KCTD8: variants seen among roughly 807,000 people sequenced by gnomAD.
The protein encoded by KCTD8 is potassium channel tetramerization domain containing 8.
A neutral mutation model predicts 31.5 loss-of-function variants in KCTD8; 27 were observed. That is an observed-to-expected ratio of 0.86 (90% CI 0.63 to 1.18). The LOEUF is 1.18. KCTD8 is among the 50% of genes most tolerant of loss of function. The pLI, the probability that KCTD8 is intolerant of heterozygous loss-of-function variation, is 0.00. For synonymous variants in KCTD8, 290 were observed against 280.0 expected, an observed-to-expected ratio of 1.04 and a Z score of -0.36; for missense variants, 658 against 647.7, an observed-to-expected ratio of 1.02 and a Z score of -0.17.
intron 1 of KCTD8, among the ~76,000 whole-genome samples, chr4:44,186,178 G>A (rs775452315): frequency 1.3e-5 from 2 of 152,188 alleles, no homozygotes; most frequent in Non-Finnish European, 2.9e-5. Flanking sequence ...CACAGGTGGC[G>A]AGGAGCGAAA....
intron 1 of KCTD8, among the ~76,000 whole-genome samples, chr4:44,351,842 ATATT>A (rs1316647462): frequency 2.0e-5 from 3 of 152,130 alleles, no homozygotes; most frequent in African/African-American, 7.2e-5. Context: ...TGAACTGAAA[ATATT>A]TATTTATTCT....
Position 44,349,068 on chromosome 4 carries a change from A to ACCG in KCTD8, c.961+98492_961+98494dup, listed in dbSNP as rs1393144810. Reference sequence around the variant, plus strand: ...GCTTAGTAGCACCACCATCGCTGCCACCGCCACCACCACCACCACCACCAC... The same window carrying ACCG: ...GCTTAGTAGCACCACCATCGCTGCCACCGCCGCCACCACCACCACCACCACCAC... On this transcript the variant is annotated intron_variant, in intron 1 of 1. Coordinates refer to ENST00000360029, the MANE Select transcript of KCTD8 (RefSeq NM_198353.3). 7.4e-5 allele frequency among the ~76,000 whole-genome samples: 7 copies of ACCG among 93,976 alleles called. 1 individual carries two copies. The highest frequency in any genetic ancestry group is 2.6e-5 in the Non-Finnish European group (1 of 38,158). The allele number at this position is 93,976 out of a possible 152,430, so 61.7% of individuals were successfully genotyped here. A position where few individuals can be genotyped will look rare whatever the true frequency, so the allele number is the denominator to read the frequency against.
chr4:44,309,678 A>G (rs1032359116), intron 1 of KCTD8, among the ~76,000 whole-genome samples: 9 of 152,164 alleles, frequency 5.9e-5, no homozygotes, highest in African/African-American at 2.2e-4. Flanking sequence ...ACTAAAATTT[A>G]GAATACATTA....
chr4:44,259,502 C>T (rs1028733633), intron 1 of KCTD8, among the ~76,000 whole-genome samples: 2 of 151,902 alleles, frequency 1.3e-5, no homozygotes, highest in African/African-American at 4.8e-5. Flanking sequence ...AGTTCATCCT[C>T]CTACATCCAA....
At chr4:44,246,250 CT>C (rs1237830043) in intron 1 of KCTD8, among the ~76,000 whole-genome samples, 2 of 152,012 alleles carry the variant, frequency 1.3e-5, no homozygotes, top group Non-Finnish European at 1.5e-5. Context: ...TGCCAAATGA[CT>C]ATCTCCTAGT....
rs1577676609 is a variant in KCTD8, at chr4:44,448,032, G to A, written c.492C>T (p.Asp164=). ...NSLNDEGCQS[D]LEDNVSQGSS... is the part of the protein sequence containing the mutation. ...TACCCTGCGAGACGTTGTCCTCCAG[G>A]TCGCTCTGGCAGCCCTCGTCGTTGA... Residue 164 remains aspartate, a synonymous_variant, in exon 1 of 2, where the codon GAC becomes GAT. Transcript: ENST00000360029. This position sits in a 1 kb window ranked among gnomAD's most constrained non-coding sequence, Gnocchi z 4.1. 1 of 1,607,942 alleles carries A rather than the reference G, an allele frequency of 6.2e-7. No homozygotes were observed. Among genetic ancestry groups the A allele is most frequent in the Non-Finnish European group, 8.5e-7 (1 of 1,177,698 alleles).
rs1048996341 is a variant in KCTD8 at position 44,391,605 on chromosome 4, A to G, written c.961+55958T>C. ...GATATAACATATATAATATATATAA[A>G]ATACATATAACATAAAAACTATGTG... is the stretch of plus-strand genomic sequence containing the variant. On this transcript the variant is annotated intron_variant, in intron 1 of 1. Transcript: ENST00000360029. Among the ~76,000 whole-genome samples, 57 of 151,606 alleles carry G rather than the reference A, an allele frequency of 3.8e-4. 1 individual carries two copies. Among genetic ancestry groups the G allele is most frequent in the African/African-American group, 1.2e-3 (51 of 41,436 alleles).
In KCTD8 at chr4:44,402,119, T is replaced by C. The variant is rs184790187; in HGVS notation, c.961+45444A>G. 2.6e-5 allele frequency among the ~76,000 whole-genome samples: 4 copies of C among 152,242 alleles called. No individual in the cohort carries two copies. In the East Asian group the frequency reaches 5.8e-4, roughly 22 times the overall value. On this transcript the variant is annotated intron_variant, in intron 1 of 1. Transcript: ENST00000360029. ...TAAAGTGGACGTGGCATTTGAATGATTATAGAGCAAAAAGATAGAGCTGGA... is the reference window on the plus strand; with the variant it reads ...TAAAGTGGACGTGGCATTTGAATGACTATAGAGCAAAAAGATAGAGCTGGA...
At chr4:44,279,103 T>C (rs1318005415) in intron 1 of KCTD8, among the ~76,000 whole-genome samples, 2 of 152,118 alleles carry the variant, frequency 1.3e-5, no homozygotes, top group South Asian at 4.1e-4. Context: ...TTCATTTTTA[T>C]GTGTAAAATG....
chr4:44,268,209 T>C (rs937921447), intron 1 of KCTD8, among the ~76,000 whole-genome samples: 7 of 152,156 alleles, frequency 4.6e-5, no homozygotes, highest in African/African-American at 1.2e-4. Context: ...TCAAGTGGGC[T>C]TCATCCCTGG....
intron 1 of KCTD8, among the ~76,000 whole-genome samples, chr4:44,344,551 G>A (rs1157941247): frequency 6.6e-6 from 1 of 152,104 alleles, no homozygotes; most frequent in East Asian, 1.9e-4. Flanking sequence ...CAGTTGCATA[G>A]ACTATTGGGA....
At chr4:44,279,691 T>C (rs982825608) in intron 1 of KCTD8, among the ~76,000 whole-genome samples, 3 of 152,058 alleles carry the variant, frequency 2.0e-5, no homozygotes, top group Non-Finnish European at 4.4e-5. Context: ...AGGATTAGTG[T>C]GAGGATCAAG....
At chr4:44,443,046 T>C (rs370260956) in intron 1 of KCTD8, among the ~76,000 whole-genome samples, 1 of 152,348 alleles carries the variant, frequency 6.6e-6, no homozygotes, top group African/African-American at 2.4e-5. Flanking sequence ...TCTAAACTTT[T>C]TGCACTCCAA....
chr4:44,322,492 A>T (rs1170810381), intron 1 of KCTD8, among the ~76,000 whole-genome samples: 1 of 152,012 alleles, frequency 6.6e-6, no homozygotes, highest in Non-Finnish European at 1.5e-5. Context: ...TAGTCTAGTA[A>T]TTAATCCTTT....
chr4:44,423,103 A>G (rs1486327780), intron 1 of KCTD8, among the ~76,000 whole-genome samples: 1 of 152,100 alleles, frequency 6.6e-6, no homozygotes, highest in Non-Finnish European at 1.5e-5. Context: ...CATTGTCACA[A>G]CTAAGGAGGG....
chr4:44,228,847 T>C (rs1715040380), intron 1 of KCTD8, among the ~76,000 whole-genome samples: 1 of 152,214 alleles, frequency 6.6e-6, no homozygotes, highest in African/African-American at 2.4e-5. Context: ...AAAGAATTGG[T>C]GAATGAATTG....
chr4:44,297,840 T>C (rs1233238752), intron 1 of KCTD8, among the ~76,000 whole-genome samples: 1 of 152,224 alleles, frequency 6.6e-6, no homozygotes, highest in East Asian at 1.9e-4. Flanking sequence ...TAACACCTTC[T>C]GAGTAATTCC....
chr4:44,241,617 T>A (rs1268452227), intron 1 of KCTD8, among the ~76,000 whole-genome samples: 3 of 152,238 alleles, frequency 2.0e-5, no homozygotes, highest in African/African-American at 7.2e-5. Flanking sequence ...ATACTATTTA[T>A]TTAATCTTTT....
chr4:44,324,044 TAAAAA>T (rs34203587), intron 1 of KCTD8, among the ~76,000 whole-genome samples: 6 of 117,232 alleles, frequency 5.1e-5, no homozygotes, highest in African/African-American at 7.2e-5. Context: ...AAAGTATAAT[TAAAAA>T]AAAAAAAACA....
Sources: allele counts gnomAD v4.1 joint callset (sites outside exome capture counted in the v4.1 genomes callset), GRCh38; gene constraint gnomAD v4.1.1; non-coding constraint Gnocchi (gnomAD v3.1); transcripts MANE v1.5; gene names NCBI Gene and HGNC (gene_info 2026-07-23, HGNC 2026-07-21).